ARB2A: variants seen among roughly 807,000 people sequenced by gnomAD.
ARB2A encodes the protein cotranscriptional regulator ARB2A.
At chr5:93,896,321 T>C in the ARB2A span, among the ~76,000 whole-genome samples, 5 of 152,128 alleles carry the variant, frequency 3.3e-5, no homozygotes, top group Non-Finnish European at 7.4e-5. Context: ...TGACAGACTT[T>C]TGTGGACTGC....
the ARB2A span, among the ~76,000 whole-genome samples, chr5:93,922,903 GA>G: frequency 2.0e-5 from 3 of 152,024 alleles, no homozygotes; most frequent in South Asian, 2.1e-4. Flanking sequence ...CCAAATGGTA[GA>G]AAAAGAATTG....
chr5:93,830,836 T>C, the ARB2A span, among the ~76,000 whole-genome samples: 1 of 152,270 alleles, frequency 6.6e-6, no homozygotes, highest in Admixed American at 6.5e-5. Context: ...ACTTTATTTC[T>C]ATTGTAATAT....
At chr5:93,777,280 C>A in the ARB2A span, among the ~76,000 whole-genome samples, 1 of 151,640 alleles carries the variant, frequency 6.6e-6, no homozygotes, top group East Asian at 1.9e-4. Flanking sequence ...GCACATTGTG[C>A]ACATGTACCC....
chr5:94,049,119 ATG>A, the ARB2A span, among the ~76,000 whole-genome samples: 5 of 152,314 alleles, frequency 3.3e-5, no homozygotes, highest in Admixed American at 1.3e-4. Context: ...ACTAAAACTT[ATG>A]TGTCCACATG....
the ARB2A span, among the ~76,000 whole-genome samples, chr5:93,727,691 C>T: frequency 3.3e-5 from 5 of 152,000 alleles, no homozygotes; most frequent in African/African-American, 4.8e-5. Flanking sequence ...ATTCACCTAA[C>T]ATGTTTCATT....
At chr5:93,773,613 C>T in the ARB2A span, among the ~76,000 whole-genome samples, 1 of 152,210 alleles carries the variant, frequency 6.6e-6, no homozygotes, top group Non-Finnish European at 1.5e-5. Context: ...CAGTTTACTG[C>T]ACTTCACAGA....
At chr5:94,089,229 C>A in the ARB2A span, among the ~76,000 whole-genome samples, 1 of 152,088 alleles carries the variant, frequency 6.6e-6, no homozygotes, top group African/African-American at 2.4e-5. Flanking sequence ...AGTTAAACTT[C>A]CTTTCACTGA....
the ARB2A span, among the ~76,000 whole-genome samples, chr5:93,722,720 A>T: frequency 6.6e-6 from 1 of 151,862 alleles, no homozygotes; most frequent in Non-Finnish European, 1.5e-5. Flanking sequence ...ACTACACCTC[A>T]TGGAAGCGAG....
the ARB2A span, among the ~76,000 whole-genome samples, chr5:93,663,051 C>T: frequency 2.0e-5 from 3 of 152,110 alleles, no homozygotes; most frequent in Non-Finnish European, 4.4e-5. Context: ...ATTGCATTGA[C>T]TAGGACCCCA....
At chr5:93,702,515 C>T in the ARB2A span, among the ~76,000 whole-genome samples, 2 of 152,130 alleles carry the variant, frequency 1.3e-5, no homozygotes, top group African/African-American at 4.8e-5. Context: ...ACAGAGCTTA[C>T]ATTTGGCTAT....
chr5:93,976,916 C>T, the ARB2A span, among the ~76,000 whole-genome samples: 28 of 151,796 alleles, frequency 1.8e-4, no homozygotes, highest in East Asian at 1.4e-3. Flanking sequence ...ACTCTCAGGA[C>T]GGAAAATCGA....
chr5:94,017,360 C>T, the ARB2A span, among the ~76,000 whole-genome samples: 1 of 152,112 alleles, frequency 6.6e-6, no homozygotes, highest in Non-Finnish European at 1.5e-5. Flanking sequence ...GCCCAATGTG[C>T]TGTGTTTCCA....
chr5:94,064,949 T>C, the ARB2A span, among the ~76,000 whole-genome samples: 1 of 152,064 alleles, frequency 6.6e-6, no homozygotes, highest in Admixed American at 6.5e-5. Context: ...AGAACTCAAA[T>C]GTTACCACTA....
the ARB2A span, among the ~76,000 whole-genome samples, chr5:93,782,559 T>C: frequency 0.089 from 13,496 of 152,174 alleles, 967 homozygotes; most frequent in African/African-American, 0.19. Context: ...GGCAAACCAT[T>C]CATAAAAACA....
At chr5:93,911,669 T>C in the ARB2A span, among the ~76,000 whole-genome samples, 2 of 143,202 alleles carry the variant, frequency 1.4e-5, no homozygotes, top group Admixed American at 7.2e-5. Context: ...CACAAACACA[T>C]TTCATAGAAA....
At chr5:93,958,921 C>T in the ARB2A span, 1 of 1,606,814 alleles carries the variant, frequency 6.2e-7, no homozygotes, top group Non-Finnish European at 8.5e-7. Flanking sequence ...TCAAAGCATC[C>T]TCACTCATAA....
chr5:93,981,085 G>A, the ARB2A span, among the ~76,000 whole-genome samples: 33 of 122,602 alleles, frequency 2.7e-4, no homozygotes, highest in African/African-American at 1.0e-3. Flanking sequence ...TTTTTTTTTC[G>A]GTAAAGGTTC....
the ARB2A span, among the ~76,000 whole-genome samples, chr5:93,768,765 G>A: frequency 6.6e-6 from 1 of 151,934 alleles, no homozygotes; most frequent in Non-Finnish European, 1.5e-5. Context: ...CATTTATTTA[G>A]TGGAGATGAG....
the ARB2A span, among the ~76,000 whole-genome samples, chr5:93,973,687 G>A: frequency 6.6e-6 from 1 of 152,096 alleles, no homozygotes. Flanking sequence ...ACCAATAAAA[G>A]AAAATCCATG....
Sources: allele counts gnomAD v4.1 joint callset (sites outside exome capture counted in the v4.1 genomes callset), GRCh38; gene constraint gnomAD v4.1.1; transcripts MANE v1.5; gene names NCBI Gene and HGNC (gene_info 2026-07-23, HGNC 2026-07-21).